VPS13D: variants seen among roughly 807,000 people sequenced by gnomAD.
VPS13D encodes intermembrane lipid transfer protein VPS13D.
VPS13D carries 187 observed loss-of-function variants against 461.9 expected under a neutral mutation model. The observed-to-expected ratio is 0.40, with a 90% CI of 0.36 to 0.46. The LOEUF is 0.46. Among genes scored for constraint, VPS13D ranks in the 20% least tolerant of loss-of-function variants. The pLI, the probability that VPS13D is intolerant of heterozygous loss-of-function variation, is 0.60. For synonymous variants in VPS13D, 1,951 were observed against 1,986.3 expected (o/e 0.98, Z 0.47); for missense variants, 4,711 against 5,364.9 (o/e 0.88, Z 3.81).
intron 2 of VPS13D, among the ~76,000 whole-genome samples, chr1:12,235,036 G>A (rs916373498): frequency 6.6e-5 from 10 of 152,098 alleles, no homozygotes; most frequent in African/African-American, 2.4e-4. Flanking sequence ...CCCTTTCCTT[G>A]TTTTAATTTA....
intron 65 of VPS13D, among the ~76,000 whole-genome samples, chr1:12,430,930 C>G (rs1264989016): frequency 6.6e-6 from 1 of 152,190 alleles, no homozygotes; most frequent in African/African-American, 2.4e-5. Flanking sequence ...AGGATTGCTA[C>G]AGAAGAGTTG....
intron 65 of VPS13D, among the ~76,000 whole-genome samples, chr1:12,417,562 ACT>A (rs1287936798): frequency 6.6e-6 from 1 of 152,090 alleles, no homozygotes; most frequent in South Asian, 2.1e-4. Flanking sequence ...AAACACCTGT[ACT>A]CTCTGCTTAT....
chr1:12,491,321 G>A (rs1645877868), intron 67 of VPS13D, among the ~76,000 whole-genome samples: 1 of 152,202 alleles, frequency 6.6e-6, no homozygotes, highest in Non-Finnish European at 1.5e-5. Flanking sequence ...ACATCACTTG[G>A]CTGATAGACA....
At chr1:12,354,388 A>G (rs1557728541) in intron 47 of VPS13D, among the ~76,000 whole-genome samples, 167 bp downstream of exon 47, 1 of 152,134 alleles carries the variant, frequency 6.6e-6, no homozygotes, top group African/African-American at 2.4e-5. Context: ...ACCTTTAGCT[A>G]GAGGTGGCGG....
intron 29 of VPS13D, among the ~76,000 whole-genome samples, 170 bp downstream of exon 29, chr1:12,312,095 G>A (rs1050076605): frequency 2.0e-5 from 3 of 152,194 alleles, no homozygotes; most frequent in Non-Finnish European, 4.4e-5. Context: ...TTAGATTCAT[G>A]CTCTATCAGT....
At chr1:12,483,361 G>A (rs1156310324) in intron 67 of VPS13D, among the ~76,000 whole-genome samples, 2 of 152,198 alleles carry the variant, frequency 1.3e-5, no homozygotes, top group Non-Finnish European at 2.9e-5. Flanking sequence ...AATTAGAAGC[G>A]TTGAAACATC....
intron 52 of VPS13D, among the ~76,000 whole-genome samples, 183 bp downstream of exon 52, chr1:12,363,430 C>A (rs541006803): frequency 6.6e-6 from 1 of 152,158 alleles, no homozygotes; most frequent in South Asian, 2.1e-4. Context: ...GAGGTGTTGC[C>A]CGTTTTGACC....
In VPS13D at chr1:12,253,836, C is replaced by T. The variant is rs777260494; in HGVS notation, c.669+10C>T. ...TCAGATGGAGTTACAGGTACGATTT[C>T]GGCAGGGAGATTTGTTGCAAGACAG... is the stretch of plus-strand genomic sequence containing the variant. On this transcript the variant is annotated intron_variant, in intron 7 of 69. Coordinates refer to ENST00000620676, the MANE Select transcript of VPS13D (RefSeq NM_015378.4). 13 of 1,611,026 alleles carry T rather than the reference C, an allele frequency of 8.1e-6. No individual in the cohort carries two copies. Among genetic ancestry groups the T allele is most frequent in the South Asian group, 4.4e-5 (4 of 90,940 alleles).
At chr1:12,342,605 A>T (rs1483251235) in intron 41 of VPS13D, among the ~76,000 whole-genome samples, 1 of 152,256 alleles carries the variant, frequency 6.6e-6, no homozygotes, top group Non-Finnish European at 1.5e-5. Flanking sequence ...TAATCACTTA[A>T]ATGCCACTTG....
intron 52 of VPS13D, among the ~76,000 whole-genome samples, chr1:12,364,201 C>T (rs530810025): frequency 2.1e-4 from 32 of 152,196 alleles, no homozygotes; most frequent in East Asian, 5.8e-4. Flanking sequence ...ACTCTGTACC[C>T]GTTAAACTTA....
chr1:12,382,853 C>A, intron 57 of VPS13D, 123 bp from the exon 58 acceptor site: 1 of 817,268 alleles, frequency 1.2e-6, no homozygotes, highest in Non-Finnish European at 1.9e-6. Context: ...GGCTTTGTTG[C>A]ACATTGATCA....
intron 24 of VPS13D, among the ~76,000 whole-genome samples, chr1:12,298,732 A>G (rs1490449674): frequency 6.0e-5 from 9 of 150,770 alleles, no homozygotes; most frequent in African/African-American, 1.5e-4. Flanking sequence ...TCGGTTTCCT[A>G]TATCATTGAC....
At chr1:12,293,751 A>G in intron 24 of VPS13D, 47 bp downstream of exon 24, 1 of 1,579,968 alleles carries the variant, frequency 6.3e-7, no homozygotes, top group Non-Finnish European at 8.6e-7. Context: ...TTGACTGATC[A>G]GTAGAACTTT....
Position 12,335,780 on chromosome 1 carries a change from C to G in VPS13D, c.8504C>G (p.Ser2835Ter), listed in dbSNP as rs770130879. Reference sequence around the variant, plus strand: ...GACAAGGACATAGAGTCAGCTAAATCAGAAGACTGGATGGGCTCTTCGGTG... The same window carrying G: ...GACAAGGACATAGAGTCAGCTAAATGAGAAGACTGGATGGGCTCTTCGGTG... ...KDDKDIESAK[S>*]EDWMGSSVDP... Residue 2835 changes from serine to a stop codon, truncating the protein, a stop_gained, in exon 39 of 70, where the codon TCA becomes TGA. Coordinates refer to ENST00000620676, the MANE Select transcript of VPS13D (RefSeq NM_015378.4). LOFTEE classifies it high-confidence loss of function. The G allele has an allele frequency of 1.2e-6, 2 of 1,614,018 alleles. No homozygotes were observed. The highest frequency in any genetic ancestry group is 2.7e-5 in the African/African-American group (2 of 74,916).
intron 32 of VPS13D, 135 bp downstream of exon 32, chr1:12,319,765 CTTTG>C (rs1375609035): frequency 1.5e-6 from 2 of 1,301,126 alleles, no homozygotes; most frequent in African/African-American, 3.0e-5. Context: ...CTCTTTTCCT[CTTTG>C]TTTTCTCCCC....
chr1:12,497,451 T>G (rs1337790118), intron 67 of VPS13D, 49 bp from the exon 68 acceptor site: 1 of 1,564,092 alleles, frequency 6.4e-7, no homozygotes, highest in Non-Finnish European at 8.7e-7. Flanking sequence ...GAAAATCATT[T>G]TAACCTGCAC....
At chr1:12,330,716 G>A (rs1434656702) in intron 37 of VPS13D, among the ~76,000 whole-genome samples, 1 of 151,976 alleles carries the variant, frequency 6.6e-6, no homozygotes, top group African/African-American at 2.4e-5. Flanking sequence ...ACAGGCGCTT[G>A]CCACCATGCC....
chr1:12,421,310 C>T (rs1012905520), intron 65 of VPS13D, among the ~76,000 whole-genome samples: 28 of 152,196 alleles, frequency 1.8e-4, no homozygotes, highest in African/African-American at 6.3e-4. Context: ...GCAAGGCAAT[C>T]GCTTCTGGAA....
chr1:12,253,758 G>A lies in VPS13D; in HGVS notation c.601G>A (p.Ala201Thr), dbSNP rs1640817993. 2 of 1,614,140 alleles carry A rather than the reference G, an allele frequency of 1.2e-6. No individual in the cohort carries two copies. Among genetic ancestry groups the A allele is most frequent in the African/African-American group, 1.3e-5 (1 of 75,042 alleles). Residue 201 changes from alanine (A) to threonine (T), a missense_variant, in exon 7 of 70, where the codon GCA (alanine) becomes ACA (threonine). Around this residue, in one of 3 missense-constraint regions of VPS13D, gnomAD observed 4,411 missense variants for 4,937.8 expected, o/e 0.89. Transcript: ENST00000620676. ...KLMRKKQLDV[A>T]EFSIYWDVDC... ...AATGCGGAAAAAGCAATTAGACGTA[G>A]CAGAATTTAGCATCTATTGGGATGT... is the stretch of plus-strand genomic sequence containing the variant.
Sources: gnomAD v4.1 joint callset for allele counts (sites outside exome capture counted in the v4.1 genomes callset) on GRCh38, gnomAD v4.1.1 for gene constraint, gnomAD v4.1.1 regional missense constraint, MANE v1.5 for transcripts, NCBI Gene and HGNC (gene_info 2026-07-23, HGNC 2026-07-21) for gene names.